The following PPP3CA variants were observed in gnomAD, a reference collection of about 807,000 sequenced individuals.
PPP3CA encodes protein phosphatase 3 catalytic subunit alpha.
In PPP3CA, 14 loss-of-function variants were observed where a neutral mutation model predicts 66.5. That is an observed-to-expected ratio of 0.21 (90% confidence interval 0.14 to 0.33). The LOEUF (loss-of-function observed/expected upper bound fraction) is 0.33, where lower values mean the gene tolerates loss of function less well. Ranked by LOEUF, PPP3CA falls within the 10% of genes least tolerant of loss-of-function variation. The probability of loss-of-function intolerance (pLI) is 1.00; values close to 1 mark genes in which losing one functional copy is unlikely to be tolerated. For synonymous variants in PPP3CA, 232 were observed against 226.2 expected, an observed-to-expected ratio of 1.03 and a Z score of -0.23; for missense variants, 317 against 639.5, an observed-to-expected ratio of 0.50 and a Z score of 5.44.
chr4:101,057,432 C>T (rs947291287), intron 10 of PPP3CA, among the ~76,000 whole-genome samples: 3 of 152,156 alleles, frequency 2.0e-5, no homozygotes, highest in African/African-American at 7.2e-5. Context: ...GAGATATGAA[C>T]TAAAAGGTCA....
At chr4:101,287,620 G>C (rs1404640229) in intron 1 of PPP3CA, among the ~76,000 whole-genome samples, 1 of 152,138 alleles carries the variant, frequency 6.6e-6, no homozygotes, top group African/African-American at 2.4e-5. Context: ...TCTGCTTAAA[G>C]GACCCACCAT....
chr4:101,114,525 A>T (rs1721782327), intron 2 of PPP3CA, among the ~76,000 whole-genome samples: 1 of 152,088 alleles, frequency 6.6e-6, no homozygotes, highest in South Asian at 2.1e-4. Flanking sequence ...CGGGTCACTC[A>T]GCAGTTCTGA....
At chr4:101,139,169 C>T (rs762899301) in intron 2 of PPP3CA, among the ~76,000 whole-genome samples, 2 of 151,890 alleles carry the variant, frequency 1.3e-5, no homozygotes, top group Non-Finnish European at 2.9e-5. Context: ...CAGTGAAACC[C>T]CGTCTCTACT....
intron 1 of PPP3CA, among the ~76,000 whole-genome samples, chr4:101,212,796 C>T (rs1478570318): frequency 2.0e-5 from 3 of 151,624 alleles, no homozygotes; most frequent in Admixed American, 6.6e-5. Context: ...TTTATGTATA[C>T]GGCAGTATTT....
intron 8 of PPP3CA, among the ~76,000 whole-genome samples, chr4:101,075,487 A>G (rs1578423171): frequency 6.6e-6 from 1 of 152,166 alleles, no homozygotes; most frequent in Non-Finnish European, 1.5e-5. Flanking sequence ...CTACTCATCT[A>G]ATCACCCGTC....
intron 1 of PPP3CA, among the ~76,000 whole-genome samples, chr4:101,211,194 T>C (rs1347747453): frequency 1.3e-5 from 2 of 151,416 alleles, no homozygotes; most frequent in African/African-American, 4.9e-5. Flanking sequence ...GGCCCCTGCT[T>C]TGGGGCTGTG....
chr4:101,082,205 T>C (rs1729471557), intron 7 of PPP3CA, among the ~76,000 whole-genome samples: 1 of 152,156 alleles, frequency 6.6e-6, no homozygotes, highest in African/African-American at 2.4e-5. Flanking sequence ...TATAAACAGG[T>C]TACTTCAAAC....
chr4:101,076,811 T>C (rs1323630599), intron 8 of PPP3CA, among the ~76,000 whole-genome samples: 6 of 152,230 alleles, frequency 3.9e-5, no homozygotes. Flanking sequence ...GACAAAATAA[T>C]AACAACATAA....
chr4:101,029,347 T>TAAAAAAAAAAAAAAAAAAAAAAAG (rs1726818285), intron 12 of PPP3CA, 152 bp from the exon 13 acceptor site: 6 of 78,838 alleles, frequency 7.6e-5, no homozygotes, highest in Admixed American at 1.9e-4. Flanking sequence ...ACAGAAATGC[T>TAAAAAAAAAAAAAAAAAAAAAAAG]AAAAAAAAAA....
intron 1 of PPP3CA, among the ~76,000 whole-genome samples, chr4:101,204,362 C>T (rs772439453): frequency 2.0e-5 from 3 of 152,050 alleles, no homozygotes; most frequent in Non-Finnish European, 2.9e-5. Flanking sequence ...GTAGGCCGGG[C>T]TCAGTGGCTC....
chr4:101,040,417 T>C (rs926109176), intron 11 of PPP3CA, 65 bp downstream of exon 11: 1 of 1,138,146 alleles, frequency 8.8e-7, no homozygotes, highest in African/African-American at 1.6e-5. Flanking sequence ...GATGAAAGTA[T>C]TAAAGTATTT....
At chr4:101,080,101 TACTC>T (rs1409289210) in intron 8 of PPP3CA, among the ~76,000 whole-genome samples, 4 of 152,242 alleles carry the variant, frequency 2.6e-5, no homozygotes, top group African/African-American at 4.8e-5. Flanking sequence ...TCATGGTAGA[TACTC>T]AATAAATGCA....
intron 2 of PPP3CA, among the ~76,000 whole-genome samples, chr4:101,179,297 G>A (rs1259576447): frequency 6.6e-6 from 1 of 152,046 alleles, no homozygotes; most frequent in Non-Finnish European, 1.5e-5. Context: ...ACTACTTTTA[G>A]GGAGAGGTTT....
At chr4:101,244,694 TTA>T (rs751021805) in intron 1 of PPP3CA, among the ~76,000 whole-genome samples, 10 of 152,308 alleles carry the variant, frequency 6.6e-5, no homozygotes, top group Non-Finnish European at 1.0e-4. Context: ...GGCATACACT[TTA>T]TATGTTTCAG....
At chr4:101,042,471 C>A (rs1024968963) in intron 10 of PPP3CA, among the ~76,000 whole-genome samples, 1 of 152,154 alleles carries the variant, frequency 6.6e-6, no homozygotes, top group African/African-American at 2.4e-5. Context: ...GCTATTCTAC[C>A]TGCAAATGGG....
At position 101,335,720 on chromosome 4, in the gene PPP3CA, T is replaced by A. The variant is rs78627845; in HGVS notation, c.58+11019A>T. Among the ~76,000 whole-genome samples the A allele has an allele frequency of 6.5e-3, 983 of 152,122 alleles. 12 individuals carry two copies. The highest frequency in any genetic ancestry group is 0.022 in the African/African-American group (932 of 41,482). On this transcript the variant is annotated intron_variant, in intron 1 of 13. Coordinates refer to ENST00000394854, the MANE Select transcript of PPP3CA (RefSeq NM_000944.5). ...CGGGATGCTAAACTGGGCCCACCTA[T>A]GAAAGACTTCTGAGTTCCAAGTTGG...
At position 101,346,879 on chromosome 4, in the gene PPP3CA, G is replaced by A. The variant is rs1396231723; in HGVS notation, c.-83C>T. On this transcript the variant is annotated 5_prime_UTR_variant, in exon 1 of 14. Transcript: ENST00000394854. The stretch of plus-strand genomic sequence containing the variant: ...CGGACCGGCGGGCCAGACACTCAAC[G>A]CCGCCGCCGCCGCCGCCGCCGCCGC... 9.0e-7 allele frequency: 1 copy of A among 1,112,444 alleles called. No individual in the cohort carries two copies. The highest frequency in any genetic ancestry group is 1.6e-5 in the African/African-American group (1 of 62,322). The allele number at this position is 1,112,444 out of a possible 1,614,324, so 68.9% of individuals were successfully genotyped here. A position where few individuals can be genotyped will look rare whatever the true frequency, so the allele number is the denominator to read the frequency against.
chr4:101,195,458 C>T (rs1361793451), intron 2 of PPP3CA, among the ~76,000 whole-genome samples: 4 of 151,956 alleles, frequency 2.6e-5, no homozygotes, highest in African/African-American at 9.7e-5. Flanking sequence ...GGAGTGGGGC[C>T]TAAGAATGCA....
At chr4:101,214,349 T>C (rs1166513742) in intron 1 of PPP3CA, among the ~76,000 whole-genome samples, 1 of 152,066 alleles carries the variant, frequency 6.6e-6, no homozygotes, top group Non-Finnish European at 1.5e-5. Flanking sequence ...TTAATAATAA[T>C]AATAATAATA....
Sources: gnomAD v4.1 joint callset for allele counts (sites outside exome capture counted in the v4.1 genomes callset) on GRCh38, gnomAD v4.1.1 for gene constraint, MANE v1.5 for transcripts, NCBI Gene and HGNC (gene_info 2026-07-23, HGNC 2026-07-21) for gene names.